SLC16A12: variants seen among roughly 807,000 people sequenced by gnomAD.
The protein encoded by SLC16A12 is solute carrier family 16 member 12.
In SLC16A12, 17 loss-of-function variants were observed where a neutral mutation model predicts 42.4. That is an observed-to-expected ratio of 0.40 (90% CI 0.27 to 0.60). The LOEUF (loss-of-function observed/expected upper bound fraction) is 0.60. Ranked by LOEUF, SLC16A12 falls within the 20% of genes least tolerant of loss-of-function variation. The probability of loss-of-function intolerance (pLI) is 0.42; values close to 1 mark genes in which losing one functional copy is unlikely to be tolerated. For missense variants in SLC16A12, 544 were observed against 623.0 expected (o/e 0.87, Z 1.35); for synonymous variants, 224 against 229.4 (o/e 0.98, Z 0.21).
intron 2 of SLC16A12, among the ~76,000 whole-genome samples, chr10:89,525,220 C>CAAAAAAAAA (rs869295721): frequency 7.7e-5 from 5 of 64,654 alleles, no homozygotes; most frequent in East Asian, 3.4e-4. Context: ...GACACCATAT[C>CAAAAAAAAA]AAAAAAAAAA....
At chr10:89,486,694 G>T (rs1253039732) in intron 2 of SLC16A12, among the ~76,000 whole-genome samples, 1 of 123,622 alleles carries the variant, frequency 8.1e-6, no homozygotes, top group Non-Finnish European at 1.7e-5. Context: ...AGAAAGAAAA[G>T]AAAAGAAAAA....
At chr10:89,476,304 A>G (rs1370774738) in intron 2 of SLC16A12, among the ~76,000 whole-genome samples, 1 of 152,150 alleles carries the variant, frequency 6.6e-6, no homozygotes, top group African/African-American at 2.4e-5. Flanking sequence ...CCATACCACG[A>G]TATTTCCTTC....
chr10:89,454,345 C>G (rs796487262), intron 3 of SLC16A12, among the ~76,000 whole-genome samples: 1 of 152,020 alleles, frequency 6.6e-6, no homozygotes, highest in South Asian at 2.1e-4. Context: ...TATCTCTAAC[C>G]CCCTTACCAT....
intron 2 of SLC16A12, among the ~76,000 whole-genome samples, chr10:89,526,833 A>G (rs1843461192): frequency 1.3e-5 from 2 of 151,318 alleles, no homozygotes; most frequent in African/African-American, 4.9e-5. Context: ...TGCAAAATAC[A>G]GTTTAAAATC....
intron 2 of SLC16A12, among the ~76,000 whole-genome samples, chr10:89,542,475 G>A (rs1185127062): frequency 6.6e-6 from 1 of 151,646 alleles, no homozygotes; most frequent in Middle Eastern, 3.2e-3. Flanking sequence ...GGTAATCTTT[G>A]TATTTTTCAG....
chr10:89,507,776 C>T (rs1319983353), intron 2 of SLC16A12, among the ~76,000 whole-genome samples: 1 of 152,148 alleles, frequency 6.6e-6, no homozygotes, highest in African/African-American at 2.4e-5. Flanking sequence ...TTAAAAGACA[C>T]AGACTGGCAA....
chr10:89,515,014 C>T (rs141088829), intron 2 of SLC16A12, among the ~76,000 whole-genome samples: 58 of 152,168 alleles, frequency 3.8e-4, no homozygotes, highest in African/African-American at 1.1e-3. Context: ...ATTGCTTGAA[C>T]CCAGGAGGCA....
intron 2 of SLC16A12, among the ~76,000 whole-genome samples, chr10:89,543,215 G>A (rs1282968259): frequency 6.6e-6 from 1 of 152,184 alleles, no homozygotes; most frequent in East Asian, 1.9e-4. Context: ...ACATATAGGT[G>A]TTCACTGGAT....
chr10:89,553,017 G>A (rs1282255531), intron 2 of SLC16A12, among the ~76,000 whole-genome samples: 2 of 152,188 alleles, frequency 1.3e-5, no homozygotes, highest in Non-Finnish European at 2.9e-5. Context: ...GGAGGCTGAG[G>A]TGGGTGGATC....
intron 2 of SLC16A12, among the ~76,000 whole-genome samples, chr10:89,464,462 C>T (rs1050017937): frequency 1.3e-5 from 2 of 152,178 alleles, no homozygotes; most frequent in Admixed American, 1.3e-4. Context: ...TCAACATCTA[C>T]TTTTGCTACA....
At chr10:89,457,223 A>G (rs141363158) in intron 3 of SLC16A12, among the ~76,000 whole-genome samples, 195 of 152,322 alleles carry the variant, frequency 1.3e-3, no homozygotes, top group African/African-American at 4.4e-3. Flanking sequence ...TTTGCAACCT[A>G]TCCATCTGAC....
chr10:89,493,796 G>A (rs1213355477), intron 2 of SLC16A12, among the ~76,000 whole-genome samples: 4 of 152,130 alleles, frequency 2.6e-5, no homozygotes, highest in Admixed American at 6.5e-5. Context: ...ATAAACAAAT[G>A]GGCCAGGAGC....
chr10:89,431,874 G>A lies in SLC16A12; in HGVS notation c.*1190C>T, dbSNP rs951876444. On this transcript the variant is annotated 3_prime_UTR_variant, in exon 8 of 8. Transcript: ENST00000371790. The stretch of plus-strand genomic sequence containing the variant: ...AGAATGAATAAACTTATAATCCAAT[G>A]AGTAGATTTCTAATTATTATCTATA... 2 of 152,168 alleles carry A rather than the reference G, an allele frequency of 1.3e-5. No homozygotes were observed. Among genetic ancestry groups the A allele is most frequent in the South Asian group, 4.1e-4 (2 of 4,830 alleles). The allele number at this position is 152,168 out of a possible 1,614,324, so 9.4% of individuals were successfully genotyped here.
In SLC16A12 at chr10:89,436,850, A is replaced by G. The variant is rs1350667793; in HGVS notation, c.1029-531T>C. On this transcript the variant is annotated intron_variant, in intron 6 of 7. Coordinates refer to ENST00000371790, the MANE Select transcript of SLC16A12 (RefSeq NM_213606.4). Reference sequence around the variant, plus strand: ...AGGAAGGAAATAAGGAGAAAGAAAGAAAAGAAAGAAATAAAGAAAAAGAAA... The same window carrying G: ...AGGAAGGAAATAAGGAGAAAGAAAGGAAAGAAAGAAATAAAGAAAAAGAAA... Among the ~76,000 whole-genome samples, 160 of 111,082 alleles carry G rather than the reference A, an allele frequency of 1.4e-3. 1 individual carries two copies. The highest frequency in any genetic ancestry group is 5.2e-3 in the African/African-American group (142 of 27,546). The allele number at this position is 111,082 out of a possible 152,430, so 72.9% of individuals were successfully genotyped here. A position where few individuals can be genotyped will look rare whatever the true frequency, so the allele number is the denominator to read the frequency against.
intron 2 of SLC16A12, among the ~76,000 whole-genome samples, chr10:89,554,183 C>A: frequency 6.6e-6 from 1 of 151,226 alleles, no homozygotes; most frequent in Non-Finnish European, 1.5e-5. Flanking sequence ...CAAAAAACTC[C>A]AGATTTCTGG....
intron 2 of SLC16A12, among the ~76,000 whole-genome samples, chr10:89,518,959 A>G (rs1843303185): frequency 6.6e-6 from 1 of 152,188 alleles, no homozygotes; most frequent in African/African-American, 2.4e-5. Context: ...TATATACTAA[A>G]TATACACTAT....
chr10:89,462,451 G>C lies in SLC16A12; in HGVS notation c.128C>G (p.Pro43Arg). The C allele has an allele frequency of 4.3e-6, 7 of 1,614,054 alleles. No individual in the cohort carries two copies. Among genetic ancestry groups the C allele is most frequent in the Non-Finnish European group, 5.9e-6 (7 of 1,179,962 alleles). ...KVNRARSTSPPDGGWGWMIVA... is the reference protein window; with the variant it reads ...KVNRARSTSPRDGGWGWMIVA... Reference sequence around the variant, plus strand: ...AATCATCCAGCCCCAGCCTCCATCTGGAGGGGAGGTAGACCGAGCTCTATT... The same window carrying C: ...AATCATCCAGCCCCAGCCTCCATCTCGAGGGGAGGTAGACCGAGCTCTATT... Residue 43 changes from proline (P) to arginine (R), a missense_variant, in exon 3 of 8, where the codon CCA becomes CGA. By Grantham distance (103) the Pro-to-Arg change is moderately radical (BLOSUM62 -2). Coordinates refer to ENST00000371790, the MANE Select transcript of SLC16A12 (RefSeq NM_213606.4).
chr10:89,490,483 C>T (rs948018611), intron 2 of SLC16A12, among the ~76,000 whole-genome samples: 6 of 152,074 alleles, frequency 3.9e-5, no homozygotes, highest in African/African-American at 1.4e-4. Flanking sequence ...TCCCACAACC[C>T]CCTCAATACT....
intron 2 of SLC16A12, among the ~76,000 whole-genome samples, chr10:89,485,442 C>T (rs541161565): frequency 6.8e-4 from 104 of 152,296 alleles, no homozygotes; most frequent in Admixed American, 2.6e-3. Flanking sequence ...TGACATCTAA[C>T]GGCTCATCCT....
Sources: allele counts gnomAD v4.1 joint callset (sites outside exome capture counted in the v4.1 genomes callset), GRCh38; gene constraint gnomAD v4.1.1; transcripts MANE v1.5; gene names NCBI Gene and HGNC (gene_info 2026-07-23, HGNC 2026-07-21).